FGFR2: variants seen among roughly 807,000 people sequenced by gnomAD.
The protein encoded by FGFR2 is BEK fibroblast growth factor receptor.
A neutral mutation model predicts 95.9 loss-of-function variants in FGFR2; 19 were observed. That is an observed-to-expected ratio of 0.20 (90% confidence interval 0.14 to 0.29). The LOEUF (loss-of-function observed/expected upper bound fraction) is 0.29, where lower values mean the gene tolerates loss of function less well. Ranked by LOEUF, FGFR2 falls within the 10% of genes least tolerant of loss-of-function variation. The pLI, the probability that FGFR2 is intolerant of heterozygous loss-of-function variation, is 1.00. For missense variants in FGFR2, 707 were observed against 1,056.9 expected (o/e 0.67, Z 4.59); for synonymous variants, 392 against 393.3 (o/e 1.00, Z 0.04).
intron 13 of FGFR2, among the ~76,000 whole-genome samples, chr10:121,491,646 G>A (rs1317891868): frequency 1.3e-5 from 2 of 151,416 alleles, no homozygotes; most frequent in Admixed American, 6.6e-5. Flanking sequence ...CAAGGCAGGC[G>A]GATCCCGAGG....
At chr10:121,562,764 C>T (rs1364667862) in intron 4 of FGFR2, among the ~76,000 whole-genome samples, 1 of 151,986 alleles carries the variant, frequency 6.6e-6, no homozygotes, top group Non-Finnish European at 1.5e-5. Flanking sequence ...GATTACATAC[C>T]CTAAAGTCAA....
At chr10:121,538,371 G>C (rs1462557056) in intron 6 of FGFR2, 1 of 804,816 alleles carries the variant, frequency 1.2e-6, no homozygotes, top group Admixed American at 1.7e-5. Flanking sequence ...TGACGCTTGG[G>C]AACCATGAGG....
At chr10:121,507,778 AACAG>A (rs887752660) in intron 9 of FGFR2, among the ~76,000 whole-genome samples, 1 of 152,138 alleles carries the variant, frequency 6.6e-6, no homozygotes, top group Non-Finnish European at 1.5e-5. Context: ...GATCTGAGAG[AACAG>A]ACAAAGACAC....
At chr10:121,595,044 C>T (rs751109080) in intron 1 of FGFR2, among the ~76,000 whole-genome samples, 2 of 152,190 alleles carry the variant, frequency 1.3e-5, no homozygotes, top group Non-Finnish European at 2.9e-5. Flanking sequence ...CAGTAAAATG[C>T]ACAAACTTTA....
chr10:121,513,094 G>A (rs1354626124), intron 9 of FGFR2, among the ~76,000 whole-genome samples: 6 of 152,218 alleles, frequency 3.9e-5, no homozygotes, highest in Middle Eastern at 3.4e-3. Context: ...GGATGGTCTC[G>A]AACTCCTGAC....
At chr10:121,497,100 C>T (rs916915599) in intron 12 of FGFR2, among the ~76,000 whole-genome samples, 3 of 135,826 alleles carry the variant, frequency 2.2e-5, no homozygotes, top group Non-Finnish European at 4.6e-5. Context: ...CACTGCACTG[C>T]AGCCTAGGCA....
chr10:121,574,821 T>C (rs997470098), intron 2 of FGFR2, among the ~76,000 whole-genome samples: 1 of 152,220 alleles, frequency 6.6e-6, no homozygotes, highest in Non-Finnish European at 1.5e-5. Flanking sequence ...GTGAAAGTTC[T>C]CTACCTCGAG....
chr10:121,548,534 GGC>G (rs1475481006), intron 5 of FGFR2, among the ~76,000 whole-genome samples: 1 of 151,938 alleles, frequency 6.6e-6, no homozygotes, highest in African/African-American at 2.4e-5. Context: ...TTTCTCATTA[GGC>G]CCTCTTAGTC....
intron 13 of FGFR2, 104 bp from the exon 14 acceptor site, chr10:121,488,217 A>T: frequency 6.6e-7 from 1 of 1,515,418 alleles, no homozygotes; most frequent in Non-Finnish European, 9.0e-7. Flanking sequence ...AATATAGCTG[A>T]TGTTAAAAAC....
intron 5 of FGFR2, among the ~76,000 whole-genome samples, chr10:121,549,725 C>A (rs1360487372): frequency 6.6e-6 from 1 of 152,212 alleles, no homozygotes; most frequent in Non-Finnish European, 1.5e-5. Flanking sequence ...CCCCAGCCAA[C>A]AGTCAGTGAG....
intron 2 of FGFR2, among the ~76,000 whole-genome samples, chr10:121,567,496 A>G (rs935223013): frequency 1.3e-5 from 2 of 152,258 alleles, no homozygotes; most frequent in African/African-American, 2.4e-5. Context: ...CAACAAGCCT[A>G]TTCTGGAAGC....
At position 121,593,923 on chromosome 10, in the gene FGFR2, G is replaced by A. The variant is rs1440230318; in HGVS notation, c.-106C>T. 9.4e-6 allele frequency: 10 copies of A among 1,064,922 alleles called. No individual in the cohort carries two copies. The highest frequency in any genetic ancestry group is 1.8e-5 in the Admixed American group (1 of 54,656). The allele number at this position is 1,064,922 out of a possible 1,614,324, so 66.0% of individuals were successfully genotyped here. On this transcript the variant is annotated 5_prime_UTR_variant, in exon 2 of 18. Transcript: ENST00000358487. Reference sequence around the variant, plus strand: ...GGACTACGCGCAATGCCTTCAGCCTGCGGTGGGCTCAGGAACCGAGGCGCT... The same window carrying A: ...GGACTACGCGCAATGCCTTCAGCCTACGGTGGGCTCAGGAACCGAGGCGCT...
At chr10:121,578,000 T>C (rs1344034252) in intron 2 of FGFR2, among the ~76,000 whole-genome samples, 2 of 152,062 alleles carry the variant, frequency 1.3e-5, no homozygotes, top group African/African-American at 4.8e-5. Flanking sequence ...CCTTCACCTA[T>C]TAGGCCTATC....
chr10:121,479,636 T>C lies in FGFR2; in HGVS notation c.*221A>G, dbSNP rs1159388695. 6.4e-7 allele frequency: 1 copy of C among 1,551,786 alleles called. No homozygotes were observed. On this transcript the variant is annotated 3_prime_UTR_variant, in exon 18 of 18. Coordinates refer to ENST00000358487, the MANE Select transcript of FGFR2 (RefSeq NM_000141.5). ...GTGAGAGGGGTTACATGGTGGCTTG[T>C]GGCAGTCCACTGCTCCAGAAACCTT...
At chr10:121,519,214 T>G (rs1850153729) in intron 7 of FGFR2, among the ~76,000 whole-genome samples, 1 of 152,142 alleles carries the variant, frequency 6.6e-6, no homozygotes, top group African/African-American at 2.4e-5. Flanking sequence ...CATGAGCAAC[T>G]AGACATGGGA....
chr10:121,577,771 G>A (rs1456676780), intron 2 of FGFR2, among the ~76,000 whole-genome samples: 1 of 151,970 alleles, frequency 6.6e-6, no homozygotes, highest in Non-Finnish European at 1.5e-5. Flanking sequence ...CTGCTTGTAG[G>A]TTCATATTTC....
intron 3 of FGFR2, 38 bp from the exon 4 acceptor site, chr10:121,564,617 T>C (rs769659562): frequency 1.9e-6 from 3 of 1,599,386 alleles, no homozygotes; most frequent in Non-Finnish European, 2.6e-6. Context: ...ATGTGTTTTT[T>C]GCAAAGCAAA....
chr10:121,566,770 G>C (rs1046302825), intron 2 of FGFR2, among the ~76,000 whole-genome samples: 1 of 151,950 alleles, frequency 6.6e-6, no homozygotes, highest in Non-Finnish European at 1.5e-5. Context: ...AAAGGCGTGG[G>C]TCTCATGGTT....
intron 5 of FGFR2, among the ~76,000 whole-genome samples, chr10:121,544,651 T>C (rs1387596634): frequency 6.6e-6 from 1 of 152,068 alleles, no homozygotes; most frequent in Non-Finnish European, 1.5e-5. Flanking sequence ...GGTTAGAGGT[T>C]ACCAGGTGCA....
Sources: gnomAD v4.1 joint callset for allele counts (sites outside exome capture counted in the v4.1 genomes callset) on GRCh38, gnomAD v4.1.1 for gene constraint, MANE v1.5 for transcripts, NCBI Gene and HGNC (gene_info 2026-07-23, HGNC 2026-07-21) for gene names.